ZNF829: variants seen among roughly 807,000 people sequenced by gnomAD.
ZNF829 encodes zinc finger protein 829.
In ZNF829, 25 loss-of-function variants were observed where a neutral mutation model predicts 35.2. The ratio of observed to expected loss-of-function variants is 0.71; its 90% CI spans 0.52 to 0.99. The LOEUF is 0.99. Among genes scored for constraint, ZNF829 ranks in the 50% least tolerant of loss-of-function variants. The pLI, the probability that ZNF829 is intolerant of heterozygous loss-of-function variation, is 0.00. For missense variants in ZNF829, 417 were observed against 515.3 expected, an observed-to-expected ratio of 0.81 and a Z score of 1.85; for synonymous variants, 136 against 163.2, an observed-to-expected ratio of 0.83 and a Z score of 1.27.
chr19:36,899,619 TG>T (rs1317736097), intron 5 of ZNF829, among the ~76,000 whole-genome samples: 2 of 151,690 alleles, frequency 1.3e-5, no homozygotes, highest in Non-Finnish European at 2.9e-5. Flanking sequence ...TCCATAAATA[TG>T]TATAATTTGT....
intron 5 of ZNF829, 103 bp from the exon 6 acceptor site, chr19:36,892,574 TAC>T: frequency 7.1e-6 from 9 of 1,261,124 alleles, no homozygotes; most frequent in Non-Finnish European, 9.7e-6. Context: ...TCTGAGAAAT[TAC>T]ACAGTTTTCA....
chr19:36,910,659 T>C (rs2073256413), intron 3 of ZNF829, among the ~76,000 whole-genome samples: 5 of 152,304 alleles, frequency 3.3e-5, no homozygotes, highest in Admixed American at 3.3e-4. Flanking sequence ...TCCCCATACC[T>C]TGCCCTATGC....
intron 5 of ZNF829, chr19:36,902,169 G>GA (rs553335017): frequency 0.027 from 4,542 of 168,204 alleles, 32 homozygotes; most frequent in African/African-American, 0.042. Context: ...AAAAAAAAAA[G>GA]AAAAAAAAAA....
chr19:36,904,917 T>C (rs2073203288), intron 5 of ZNF829, among the ~76,000 whole-genome samples: 1 of 152,124 alleles, frequency 6.6e-6, no homozygotes, highest in Admixed American at 6.5e-5. Context: ...TAAAAATACT[T>C]GAAGGCAGCT....
chr19:36,914,035 TTAA>T (rs2073284968), intron 3 of ZNF829, among the ~76,000 whole-genome samples: 3 of 152,104 alleles, frequency 2.0e-5, no homozygotes, highest in Admixed American at 2.0e-4. Flanking sequence ...AAACTGGGTA[TTAA>T]TAAGGAGGGG....
At position 36,891,699 on chromosome 19, in the gene ZNF829, G is replaced by C. The variant is rs779107045; in HGVS notation, c.1092C>G (p.Ser364Arg). ...TTCTCTGATGTTGAATAAGTTCTGA[G>C]CTCTGAATAAAGGCCTTTCTACATT... ...CEECRKAFIQ[S>R]SELIQHQRIH... Residue 364 changes from serine to arginine, a missense_variant, in exon 6 of 6, where the codon AGC becomes AGG. Physicochemically the swap from Ser to Arg is moderately radical, Grantham distance 110. Coordinates refer to ENST00000391711, the MANE Select transcript of ZNF829 (RefSeq NM_001037232.4). 7 of 1,613,844 alleles carry C rather than the reference G, an allele frequency of 4.3e-6. No individual in the cohort carries two copies. The highest frequency in any genetic ancestry group is 1.7e-5 in the Admixed American group (1 of 59,982).
Position 36,908,420 on chromosome 19 carries a change from G to T in ZNF829, c.136C>A (p.Gln46Lys), listed in dbSNP as rs370301173. 16 of 1,612,482 alleles carry T rather than the reference G, an allele frequency of 9.9e-6. No individual in the cohort carries two copies. Among genetic ancestry groups the T allele is most frequent in the African/African-American group, 6.7e-5 (5 of 74,958 alleles). Residue 46 changes from glutamine (Q) to lysine (K), a missense_variant, in exon 4 of 6, where the codon CAA (glutamine) becomes AAA (lysine). Transcript: ENST00000391711. ...MFRDVSIDFS[Q>K]EEWECLDADQ... ...GCGTCCAGGCATTCCCATTCCTCTTGAGAGAAGTCTATGGAAACATCCCTG... is the reference window on the plus strand; with the variant it reads ...GCGTCCAGGCATTCCCATTCCTCTTTAGAGAAGTCTATGGAAACATCCCTG...
intron 5 of ZNF829, among the ~76,000 whole-genome samples, chr19:36,897,778 A>G (rs1384876909): frequency 1.3e-5 from 2 of 152,224 alleles, no homozygotes; most frequent in Non-Finnish European, 2.9e-5. Context: ...AGATGACATG[A>G]TCTTACATAT....
chr19:36,892,881 CCGACTGCAAG>C (rs1265308071), intron 5 of ZNF829: 1 of 1,160,012 alleles, frequency 8.6e-7, no homozygotes, highest in Non-Finnish European at 1.1e-6. Context: ...TTGTGGAGCT[CCGACTGCAAG>C]GCCATCAGCA....
At position 36,897,971 on chromosome 19, in the gene ZNF829, C is replaced by A. The variant is rs547429832; in HGVS notation, c.320-5500G>T. 1.3e-4 allele frequency among the ~76,000 whole-genome samples: 20 copies of A among 152,286 alleles called. No individual in the cohort carries two copies. In the South Asian group the frequency reaches 3.3e-3, roughly 25 times the overall value. On this transcript the variant is annotated intron_variant, in intron 5 of 5. Transcript: ENST00000391711. ...ATCACTTGAGGTCACGAGTTTGAGA[C>A]CAGCCTGGCCAACATGGTGAAACCT...
At position 36,916,135 on chromosome 19, in the gene ZNF829, T is replaced by A; in HGVS notation, c.-209A>T. ...GGGACCCACGCCGATTCCTGTCAGC[T>A]CCTCGCCTGGGCCCACCCGAAACGG... On this transcript the variant is annotated 5_prime_UTR_variant, in exon 1 of 6. Coordinates refer to ENST00000391711, the MANE Select transcript of ZNF829 (RefSeq NM_001037232.4). This position sits in a 1 kb window ranked among gnomAD's most constrained non-coding sequence, Gnocchi z 5.3. 2 of 545,692 alleles carry A rather than the reference T, an allele frequency of 3.7e-6. No homozygotes were observed. The highest frequency in any genetic ancestry group is 4.8e-5 in the South Asian group (2 of 41,566). The allele number at this position is 545,692 out of a possible 1,614,324, so 33.8% of individuals were successfully genotyped here.
chr19:36,904,448 G>T (rs1272083819), intron 5 of ZNF829, among the ~76,000 whole-genome samples: 1 of 152,134 alleles, frequency 6.6e-6, no homozygotes, highest in East Asian at 1.9e-4. Context: ...TGCCCAGGCT[G>T]GAGTGCAGTT....
intron 3 of ZNF829, among the ~76,000 whole-genome samples, chr19:36,911,836 A>G (rs1262152824): frequency 6.6e-6 from 1 of 152,212 alleles, no homozygotes; most frequent in African/African-American, 2.4e-5. Context: ...CAACAAAGGA[A>G]TGGATCACAG....
chr19:36,914,994 G>A lies in ZNF829; in HGVS notation c.67C>T (p.His23Tyr). 1 of 1,614,164 alleles carries A rather than the reference G, an allele frequency of 6.2e-7. No individual in the cohort carries two copies. Among genetic ancestry groups the A allele is most frequent in the Non-Finnish European group, 8.5e-7 (1 of 1,180,024 alleles). The change falls in exon 3 of 6, where the codon CAT becomes TAT. Residue 23 changes from histidine to tyrosine, a missense_variant. Physicochemically the swap from His to Tyr is moderately conservative, Grantham distance 83 (BLOSUM62 2). Transcript: ENST00000391711. ...GATACTGCTTGTAGAAGTTCATCAT[G>A]CATTCTTTCCTCCTCTTCTGGGTGA... The part of the protein sequence containing the change: ...WCHPEEEERM[H>Y]DELLQAVSKG...
intron 5 of ZNF829, among the ~76,000 whole-genome samples, chr19:36,898,023 G>T (rs1212220004): frequency 5.3e-5 from 8 of 152,076 alleles, no homozygotes; most frequent in Non-Finnish European, 1.0e-4. Context: ...ACAAAAATTG[G>T]CCAGGTGTGG....
At chr19:36,904,179 C>T (rs894417458) in intron 5 of ZNF829, among the ~76,000 whole-genome samples, 1 of 152,110 alleles carries the variant, frequency 6.6e-6, no homozygotes, top group Non-Finnish European at 1.5e-5. Context: ...AGGCAAGATA[C>T]ATACAGTGAT....
chr19:36,899,271 C>T lies in ZNF829; in HGVS notation c.320-6800G>A, dbSNP rs997352639. 3.3e-5 allele frequency among the ~76,000 whole-genome samples: 5 copies of T among 150,514 alleles called. No individual in the cohort carries two copies. In the South Asian group the frequency reaches 6.2e-4, roughly 19 times the overall value. On this transcript the variant is annotated intron_variant, in intron 5 of 5. Coordinates refer to ENST00000391711, the MANE Select transcript of ZNF829 (RefSeq NM_001037232.4). ...CCTGGGGAACATAGGGAGACCCCCC[C>T]CGATCTCTATAAACAGTTTTAAAAT...
rs762063556 is a variant in ZNF829, at chr19:36,908,433, G to A, written c.123C>T (p.Ser41=). 3 of 1,609,596 alleles carry A rather than the reference G, an allele frequency of 1.9e-6. No individual in the cohort carries two copies. The highest frequency in any genetic ancestry group is 2.5e-6 in the Non-Finnish European group (3 of 1,177,888). ...CCCATTCCTCTTGAGAGAAGTCTATGGAAACATCCCTGAACATCACCGGCC... is the reference window on the plus strand; with the variant it reads ...CCCATTCCTCTTGAGAGAAGTCTATAGAAACATCCCTGAACATCACCGGCC... ...SKGPVMFRDV[S]IDFSQEEWEC... The change falls in exon 4 of 6, where the codon TCC becomes TCT. Residue 41 remains serine (S), a synonymous_variant. Coordinates refer to ENST00000391711, the MANE Select transcript of ZNF829 (RefSeq NM_001037232.4).
intron 3 of ZNF829, chr19:36,912,771 C>G (rs2073274676): frequency 1.3e-5 from 2 of 152,032 alleles, no homozygotes; most frequent in Non-Finnish European, 2.9e-5. Context: ...CCGAGATGGG[C>G]AGATCACCTG....
Sources: allele counts gnomAD v4.1 joint callset (sites outside exome capture counted in the v4.1 genomes callset), GRCh38; gene constraint gnomAD v4.1.1; non-coding constraint Gnocchi (gnomAD v3.1); transcripts MANE v1.5; gene names NCBI Gene and HGNC (gene_info 2026-07-23, HGNC 2026-07-21).